The following CADPS variants were observed in gnomAD, a reference collection of about 807,000 sequenced individuals.
The protein encoded by CADPS is calcium dependent secretion activator, also known as calcium-dependent secretion activator 1.
In CADPS, 57 loss-of-function variants were observed where a neutral mutation model predicts 167.3. The ratio of observed to expected loss-of-function variants is 0.34; its 90% CI spans 0.28 to 0.42. The LOEUF is 0.42. Ranked by LOEUF, CADPS falls within the 20% of genes least tolerant of loss-of-function variation. CADPS has a pLI of 1.00. For missense variants in CADPS, 1,414 were observed against 1,738.1 expected (o/e 0.81, Z 3.32); for synonymous variants, 676 against 635.3 (o/e 1.06, Z -0.96).
intron 3 of CADPS, among the ~76,000 whole-genome samples, chr3:62,708,886 A>C (rs1488732562): frequency 6.6e-6 from 1 of 152,006 alleles, no homozygotes; most frequent in Non-Finnish European, 1.5e-5. Context: ...ACTGGAAGTC[A>C]AGCAGAAAGC....
intron 6 of CADPS, among the ~76,000 whole-genome samples, chr3:62,636,185 T>C (rs2066269151): frequency 6.6e-6 from 1 of 152,208 alleles, no homozygotes; most frequent in Non-Finnish European, 1.5e-5. Context: ...GTAGGTATCA[T>C]CAGTATTATT....
intron 3 of CADPS, among the ~76,000 whole-genome samples, chr3:62,741,814 G>C (rs1291020435): frequency 6.6e-6 from 1 of 152,146 alleles, no homozygotes; most frequent in Non-Finnish European, 1.5e-5. Context: ...CATCCAAATA[G>C]GAAGAGAGGA....
intron 6 of CADPS, among the ~76,000 whole-genome samples, chr3:62,639,490 C>T (rs1282996370): frequency 6.6e-6 from 1 of 152,068 alleles, no homozygotes; most frequent in African/African-American, 2.4e-5. Context: ...CATGCTCAGG[C>T]GCTCAGATTT....
At chr3:62,594,093 A>T (rs2086687007) in intron 6 of CADPS, among the ~76,000 whole-genome samples, 1 of 151,252 alleles carries the variant, frequency 6.6e-6, no homozygotes, top group South Asian at 2.1e-4. Flanking sequence ...ACAATGACCA[A>T]CTTCCATACT....
intron 8 of CADPS, among the ~76,000 whole-genome samples, chr3:62,583,937 T>C (rs2148570315): frequency 6.6e-6 from 1 of 152,186 alleles, no homozygotes. Flanking sequence ...AGACCTGTCT[T>C]AATCACGGCT....
At chr3:62,515,543 C>T (rs527975295) in intron 16 of CADPS, among the ~76,000 whole-genome samples, 1 of 152,186 alleles carries the variant, frequency 6.6e-6, no homozygotes, top group Non-Finnish European at 1.5e-5. Context: ...TTGGAGCCAT[C>T]ACAGATGGCT....
At chr3:62,502,267 C>T (rs570851259) in intron 17 of CADPS, among the ~76,000 whole-genome samples, 9 of 151,836 alleles carry the variant, frequency 5.9e-5, no homozygotes, top group Middle Eastern at 3.5e-3. Context: ...TTCCCTCTCC[C>T]CAACAGAGGT....
chr3:62,672,640 CT>C (rs2075730160), intron 3 of CADPS, among the ~76,000 whole-genome samples: 1 of 152,122 alleles, frequency 6.6e-6, no homozygotes, highest in Non-Finnish European at 1.5e-5. Flanking sequence ...TCTTTTCCCC[CT>C]GAGACAGGGT....
chr3:62,537,110 G>A (rs934203571), intron 11 of CADPS, among the ~76,000 whole-genome samples: 6 of 152,062 alleles, frequency 3.9e-5, no homozygotes, highest in Non-Finnish European at 8.8e-5. Flanking sequence ...AAAGGTTTGA[G>A]TCCCCACCCT....
intron 8 of CADPS, among the ~76,000 whole-genome samples, chr3:62,575,260 C>G (rs978347390): frequency 1.3e-5 from 2 of 152,264 alleles, no homozygotes; most frequent in African/African-American, 4.8e-5. Flanking sequence ...ATAATAAAAA[C>G]AATAGCTACT....
intron 3 of CADPS, among the ~76,000 whole-genome samples, chr3:62,707,100 C>A (rs1292183977): frequency 6.6e-6 from 1 of 152,050 alleles, no homozygotes; most frequent in Non-Finnish European, 1.5e-5. Flanking sequence ...GGCCACGGAC[C>A]CACTACCGGT....
chr3:62,522,740 C>T (rs1323511974), intron 13 of CADPS, among the ~76,000 whole-genome samples: 3 of 152,162 alleles, frequency 2.0e-5, no homozygotes, highest in Non-Finnish European at 4.4e-5. Flanking sequence ...CACATGAGCA[C>T]ATACACATGC....
At chr3:62,761,972 T>A (rs41386644) in intron 2 of CADPS, among the ~76,000 whole-genome samples, 12,844 of 152,216 alleles carry the variant, frequency 0.084, 615 homozygotes, top group South Asian at 0.14. Flanking sequence ...AAAATAAACC[T>A]GTGTGCTCTT....
intron 26 of CADPS, among the ~76,000 whole-genome samples, chr3:62,447,625 T>C (rs1057091501): frequency 2.0e-5 from 3 of 152,114 alleles, no homozygotes; most frequent in African/African-American, 4.8e-5. Flanking sequence ...CTCAGGATGA[T>C]TGAGAAGTAA....
intron 17 of CADPS, among the ~76,000 whole-genome samples, chr3:62,512,159 C>T (rs927015521): frequency 1.3e-5 from 2 of 152,078 alleles, no homozygotes; most frequent in Non-Finnish European, 2.9e-5. Flanking sequence ...TCAGACTTCT[C>T]CTCAAAATAA....
chr3:62,630,061 T>C (rs186941575), intron 6 of CADPS, among the ~76,000 whole-genome samples: 76 of 152,292 alleles, frequency 5.0e-4, no homozygotes, highest in African/African-American at 1.8e-3. Flanking sequence ...TACATACTTT[T>C]TTTTGGTCTC....
At chr3:62,725,201 T>G (rs116755123) in intron 3 of CADPS, among the ~76,000 whole-genome samples, 254 of 152,348 alleles carry the variant, frequency 1.7e-3, no homozygotes, top group African/African-American at 5.5e-3. Flanking sequence ...ATGATGGGAA[T>G]AGTCCACACC....
At chr3:62,504,067 T>C (rs912406035) in intron 17 of CADPS, among the ~76,000 whole-genome samples, 2 of 152,092 alleles carry the variant, frequency 1.3e-5, no homozygotes, top group African/African-American at 4.8e-5. Flanking sequence ...GATTGAAAAA[T>C]ATGGATAAAA....
chr3:62,648,691 C>A (rs116392946), intron 5 of CADPS, among the ~76,000 whole-genome samples: 85 of 54,522 alleles, frequency 1.6e-3, no homozygotes, highest in East Asian at 2.5e-3. Context: ...GACGTTGTGT[C>A]AAAAAAAAAA....
Sources: gnomAD v4.1 joint callset for allele counts (sites outside exome capture counted in the v4.1 genomes callset) on GRCh38, gnomAD v4.1.1 for gene constraint, MANE v1.5 for transcripts, NCBI Gene and HGNC (gene_info 2026-07-23, HGNC 2026-07-21) for gene names.